ITCH: variants seen among roughly 807,000 people sequenced by gnomAD.
ITCH encodes the protein E3 ubiquitin-protein ligase Itchy homolog.
Under a neutral mutation model 126.8 loss-of-function variants are expected in ITCH, and 28 were observed. The observed-to-expected ratio is 0.22, with a 90% CI of 0.16 to 0.30. The LOEUF is 0.30. ITCH is among the 10% of genes least tolerant of loss of function. ITCH has a pLI of 1.00. For missense variants in ITCH, 631 were observed against 1,032.4 expected, an observed-to-expected ratio of 0.61 and a Z score of 5.33; for synonymous variants, 342 against 340.0, an observed-to-expected ratio of 1.01 and a Z score of -0.06.
chr20:34,450,186 T>C (rs6120649), intron 12 of ITCH, among the ~76,000 whole-genome samples: 2,159 of 152,362 alleles, frequency 0.014, 38 homozygotes, highest in African/African-American at 0.049. Context: ...TCTGTGGTTT[T>C]GATGCTGTAC....
chr20:34,451,255 A>T lies in ITCH; in HGVS notation c.1210+1775A>T, dbSNP rs149583626. ...CAGTGAGCCAAGATCGCGCCATTGC[A>T]CTCCAGCATAGGCGACAGAGCGAGA... On this transcript the variant is annotated intron_variant, in intron 12 of 24. Coordinates refer to ENST00000374864, the MANE Select transcript of ITCH (RefSeq NM_031483.7). Among the ~76,000 whole-genome samples, 217 of 150,216 alleles carry T rather than the reference A, an allele frequency of 1.4e-3. 2 individuals are homozygous for T. The East Asian group carries it at 0.028, about 20-fold the overall frequency.
chr20:34,489,467 C>T (rs930836566), intron 21 of ITCH, 81 bp downstream of exon 21: 3 of 1,330,014 alleles, frequency 2.3e-6, no homozygotes, highest in Non-Finnish European at 3.2e-6. Flanking sequence ...ACTTTCCCAT[C>T]TTTCCTGTTA....
intron 7 of ITCH, among the ~76,000 whole-genome samples, chr20:34,437,014 A>G (rs1983091461): frequency 6.6e-6 from 1 of 151,996 alleles, no homozygotes. Flanking sequence ...CTGTAGTCCT[A>G]CCTACTCGGG....
At chr20:34,465,552 A>G (rs148435525) in intron 14 of ITCH, among the ~76,000 whole-genome samples, 1,964 of 152,206 alleles carry the variant, frequency 0.013, 26 homozygotes, top group Admixed American at 0.031. Flanking sequence ...CTTCCAATCC[A>G]TGAATGTGGA....
At chr20:34,389,049 G>T (rs142109695) in intron 2 of ITCH, among the ~76,000 whole-genome samples, 1 of 152,128 alleles carries the variant, frequency 6.6e-6, no homozygotes, top group Non-Finnish European at 1.5e-5. Flanking sequence ...ATATAACCAC[G>T]TCAGTGCATG....
At chr20:34,404,199 A>G (rs1046423313) in intron 3 of ITCH, among the ~76,000 whole-genome samples, 2 of 152,070 alleles carry the variant, frequency 1.3e-5, no homozygotes, top group Admixed American at 6.6e-5. Context: ...CTTCCGGTTT[A>G]TAATGTATAG....
rs761360330 is a variant in ITCH at position 34,461,124 on chromosome 20, T to C, written c.1296-969T>C. Among the ~76,000 whole-genome samples, 68 of 152,092 alleles carry C rather than the reference T, an allele frequency of 4.5e-4. 1 individual carries two copies. The highest frequency in any genetic ancestry group is 1.5e-4 in the Non-Finnish European group (10 of 68,018). ...TGGAGGTGTGGCAGATCATATCTTA[T>C]TTAAGGAAGTGCTGAGTGGCCTACA... On this transcript the variant is annotated intron_variant, in intron 13 of 24. Transcript: ENST00000374864.
Position 34,511,773 on chromosome 20 carries a change from C to G in ITCH, c.*3979C>G, listed in dbSNP as rs571168213. 5.1e-4 allele frequency among the ~76,000 whole-genome samples: 77 copies of G among 152,300 alleles called. No homozygotes were observed. The highest frequency in any genetic ancestry group is 9.6e-4 in the Non-Finnish European group (65 of 68,016). On this transcript the variant is annotated 3_prime_UTR_variant, in exon 25 of 25. Coordinates refer to ENST00000374864, the MANE Select transcript of ITCH (RefSeq NM_031483.7). Reference sequence around the variant, plus strand: ...CATTCATCTAAAGACATAAGTGATTCACTTTTTTAAATCTATAAATAAGAT... The same window carrying G: ...CATTCATCTAAAGACATAAGTGATTGACTTTTTTAAATCTATAAATAAGAT...
intron 1 of ITCH, among the ~76,000 whole-genome samples, chr20:34,367,609 G>T (rs1283093390): frequency 6.6e-6 from 1 of 152,212 alleles, no homozygotes; most frequent in African/African-American, 2.4e-5. Context: ...TTGTATTATG[G>T]TTGATCAATG....
At chr20:34,434,067 G>A (rs1012123065) in intron 7 of ITCH, among the ~76,000 whole-genome samples, 1 of 152,164 alleles carries the variant, frequency 6.6e-6, no homozygotes, top group African/African-American at 2.4e-5. Context: ...CCTGAACCCT[G>A]GAGTTTGAAA....
At chr20:34,380,605 CTTT>C (rs35848431) in intron 2 of ITCH, among the ~76,000 whole-genome samples, 11 of 69,270 alleles carry the variant, frequency 1.6e-4, no homozygotes, top group East Asian at 5.0e-4. Context: ...TTAATGATGT[CTTT>C]TTTTTTTTTT....
At chr20:34,475,694 A>AGGCAGAGGCAGG (rs1988146363) in intron 16 of ITCH, among the ~76,000 whole-genome samples, 11 of 142,264 alleles carry the variant, frequency 7.7e-5, no homozygotes, top group African/African-American at 2.9e-4. Flanking sequence ...GGAGAGGCAG[A>AGGCAGAGGCAGG]GGCAGGGGCA....
At chr20:34,500,547 A>G (rs946453533) in intron 23 of ITCH, among the ~76,000 whole-genome samples, 7 of 151,956 alleles carry the variant, frequency 4.6e-5, no homozygotes, top group Non-Finnish European at 8.8e-5. Flanking sequence ...TTCAGTCTGT[A>G]TGTGTCTTTA....
chr20:34,434,587 CTT>C (rs1054272088), intron 7 of ITCH, among the ~76,000 whole-genome samples: 4 of 152,058 alleles, frequency 2.6e-5, no homozygotes, highest in Non-Finnish European at 5.9e-5. Context: ...GGGAGAGAGA[CTT>C]TTTCAGACAT....
chr20:34,399,829 C>T (rs930986675), intron 3 of ITCH, among the ~76,000 whole-genome samples: 15 of 152,138 alleles, frequency 9.9e-5, no homozygotes, highest in Non-Finnish European at 2.2e-4. Flanking sequence ...AGTCACGGTT[C>T]ACTGCAGCCT....
intron 8 of ITCH, 99 bp downstream of exon 8, chr20:34,438,730 G>T: frequency 7.1e-7 from 1 of 1,410,108 alleles, no homozygotes; most frequent in Non-Finnish European, 1.0e-6. Context: ...AATTTTCTGC[G>T]TGTATTTTTA....
At chr20:34,431,108 T>C (rs1411412962) in intron 7 of ITCH, among the ~76,000 whole-genome samples, 2 of 151,958 alleles carry the variant, frequency 1.3e-5, no homozygotes, top group Admixed American at 6.6e-5. Context: ...AGGAAGAGAA[T>C]GTTTAGAGGG....
chr20:34,438,497 A>T lies in ITCH; in HGVS notation c.545A>T (p.Asp182Val). The change falls in exon 8 of 25, where the codon GAC (aspartate) becomes GTC (valine). Residue 182 changes from aspartate (D) to valine (V), a missense_variant. By Grantham distance (152) the Asp-to-Val change is radical (BLOSUM62 -3). Around this residue, in one of 4 missense-constraint regions of ITCH, gnomAD observed 220 missense variants for 265.7 expected, o/e 0.83. Coordinates refer to ENST00000374864, the MANE Select transcript of ITCH (RefSeq NM_031483.7). ...AGAGTGAGCACAAATGGATCAGATG[A>T]CCCTGAAGATGCAGGAGCTGGTGAA... is the stretch of plus-strand genomic sequence containing the variant. ...ETRVSTNGSDDPEDAGAGENR... is the reference protein window; with the variant it reads ...ETRVSTNGSDVPEDAGAGENR... 6.2e-7 allele frequency: 1 copy of T among 1,613,982 alleles called. No individual in the cohort carries two copies. The highest frequency in any genetic ancestry group is 8.5e-7 in the Non-Finnish European group (1 of 1,179,984).
chr20:34,396,434 A>G (rs2038678988), intron 3 of ITCH, among the ~76,000 whole-genome samples: 2 of 151,876 alleles, frequency 1.3e-5, no homozygotes, highest in Non-Finnish European at 2.9e-5. Context: ...CTTTTTTATG[A>G]TAGCCATTCT....
Sources: gnomAD v4.1 joint callset for allele counts (sites outside exome capture counted in the v4.1 genomes callset) on GRCh38, gnomAD v4.1.1 for gene constraint, gnomAD v4.1.1 regional missense constraint, MANE v1.5 for transcripts, NCBI Gene and HGNC (gene_info 2026-07-23, HGNC 2026-07-21) for gene names.